MAP4K4: variants seen among roughly 807,000 people sequenced by gnomAD.
MAP4K4 encodes the protein mitogen-activated protein kinase kinase kinase kinase 4.
A neutral mutation model predicts 189.6 loss-of-function variants in MAP4K4; 38 were observed. That is an observed-to-expected ratio of 0.20 (90% CI 0.15 to 0.26). The LOEUF is 0.26. Among genes scored for constraint, MAP4K4 ranks in the 10% least tolerant of loss-of-function variants. The pLI is 1.00. For missense variants in MAP4K4, 1,054 were observed against 1,726.9 expected (o/e 0.61, Z 6.91); for synonymous variants, 610 against 624.3 (o/e 0.98, Z 0.34).
intron 3 of MAP4K4, among the ~76,000 whole-genome samples, chr2:101,792,934 C>T (rs1286534436): frequency 6.6e-6 from 1 of 152,152 alleles, no homozygotes; most frequent in Non-Finnish European, 1.5e-5. Flanking sequence ...GCGTCTGGCC[C>T]TCTGCTACCT....
At chr2:101,745,501 A>G (rs548851696) in intron 2 of MAP4K4, among the ~76,000 whole-genome samples, 9 of 150,758 alleles carry the variant, frequency 6.0e-5, no homozygotes, top group South Asian at 2.1e-4. Context: ...CTAAATTTCT[A>G]TATTTTATAT....
chr2:101,819,087 A>G (rs1398304167), intron 3 of MAP4K4, among the ~76,000 whole-genome samples: 1 of 152,314 alleles, frequency 6.6e-6, no homozygotes, highest in Non-Finnish European at 1.5e-5. Context: ...TAGTTTTGCC[A>G]ACTCAACTTT....
chr2:101,852,553 AG>A (rs2097319068), intron 12 of MAP4K4, among the ~76,000 whole-genome samples: 1 of 152,118 alleles, frequency 6.6e-6, no homozygotes, highest in African/African-American at 2.4e-5. Flanking sequence ...CCCTCTCAGA[AG>A]GTTTCGGTTG....
At chr2:101,869,884 C>T (rs1482312359) in intron 22 of MAP4K4, 87 bp downstream of exon 22, 12 of 1,439,316 alleles carry the variant, frequency 8.3e-6, no homozygotes, top group Non-Finnish European at 1.1e-5. Context: ...TAGACTATTC[C>T]GTGACCCCAT....
At chr2:101,890,233 T>C in intron 32 of MAP4K4, among the ~76,000 whole-genome samples, 1 of 152,208 alleles carries the variant, frequency 6.6e-6, no homozygotes, top group East Asian at 1.9e-4. Context: ...GTGATGCTCA[T>C]TGTGTTTTTT....
At chr2:101,738,628 T>G (rs1307742741) in intron 2 of MAP4K4, among the ~76,000 whole-genome samples, 1 of 152,136 alleles carries the variant, frequency 6.6e-6, no homozygotes, top group Non-Finnish European at 1.5e-5. Context: ...CTTGCACCTG[T>G]CTTATTCTCT....
At chr2:101,878,965 T>C (rs2098293411) in intron 27 of MAP4K4, among the ~76,000 whole-genome samples, 1 of 152,136 alleles carries the variant, frequency 6.6e-6, no homozygotes, top group African/African-American at 2.4e-5. Context: ...TGATGGATGG[T>C]AGTTTTTTAA....
chr2:101,758,086 CT>C (rs1305052889), intron 2 of MAP4K4, among the ~76,000 whole-genome samples: 1 of 152,168 alleles, frequency 6.6e-6, no homozygotes, highest in Non-Finnish European at 1.5e-5. Context: ...AATATGGGCT[CT>C]CTCAAAATAT....
At chr2:101,776,327 C>T (rs945903155) in intron 2 of MAP4K4, among the ~76,000 whole-genome samples, 10 of 152,006 alleles carry the variant, frequency 6.6e-5, no homozygotes, top group Admixed American at 1.3e-4. Context: ...ATATCGGGCC[C>T]GGGCTTTTCA....
At chr2:101,782,672 C>A (rs2088287605) in intron 2 of MAP4K4, among the ~76,000 whole-genome samples, 1 of 152,076 alleles carries the variant, frequency 6.6e-6, no homozygotes, top group Admixed American at 6.6e-5. Flanking sequence ...CTTACTCCTG[C>A]TCTATTAGGA....
chr2:101,769,828 CACCT>C (rs1434728913), intron 2 of MAP4K4, among the ~76,000 whole-genome samples: 3 of 152,004 alleles, frequency 2.0e-5, no homozygotes, highest in Non-Finnish European at 4.4e-5. Flanking sequence ...GTGATCCACC[CACCT>C]TGGCCTCCTA....
At chr2:101,875,127 G>A (rs1249061169) in intron 26 of MAP4K4, among the ~76,000 whole-genome samples, 1 of 152,072 alleles carries the variant, frequency 6.6e-6, no homozygotes, top group Non-Finnish European at 1.5e-5. Flanking sequence ...TATCTGTCTG[G>A]CAGCAGTTCT....
chr2:101,770,414 A>G (rs777567731), intron 2 of MAP4K4, among the ~76,000 whole-genome samples: 20 of 151,858 alleles, frequency 1.3e-4, no homozygotes, highest in Non-Finnish European at 2.9e-4. Context: ...ACACCCGGCT[A>G]ATTTTTTGTA....
intron 2 of MAP4K4, among the ~76,000 whole-genome samples, chr2:101,727,013 A>G (rs533760160): frequency 6.6e-6 from 1 of 152,168 alleles, no homozygotes; most frequent in African/African-American, 2.4e-5. Context: ...TTTCCTCTTG[A>G]CCACCAGTCC....
At chr2:101,783,620 C>G (rs2088974536) in intron 2 of MAP4K4, among the ~76,000 whole-genome samples, 1 of 152,018 alleles carries the variant, frequency 6.6e-6, no homozygotes, top group African/African-American at 2.4e-5. Context: ...ATTGACATGC[C>G]TAATAGAAAA....
chr2:101,725,953 A>G (rs1459294802), intron 2 of MAP4K4, among the ~76,000 whole-genome samples: 1 of 151,638 alleles, frequency 6.6e-6, no homozygotes, highest in Non-Finnish European at 1.5e-5. Flanking sequence ...TTATTTTGGC[A>G]GAAATCTGGA....
At position 101,834,473 on chromosome 2, in the gene MAP4K4, TTTC is replaced by T; in HGVS notation, c.694+13_694+15del. 6.2e-7 allele frequency: 1 copy of T among 1,600,206 alleles called. No individual in the cohort carries two copies. Among genetic ancestry groups the T allele is most frequent in the Admixed American group, 1.7e-5 (1 of 58,378 alleles). ...GCAGAAGGTGCTCCCCGTAAGTAAC[TTTC>T]TTTTCTTTTTAGCTCACTTGTTACA... On this transcript the variant is annotated intron_variant, in intron 8 of 32. Transcript: ENST00000324219.
chr2:101,730,618 C>T (rs1472690356), intron 2 of MAP4K4, among the ~76,000 whole-genome samples: 1 of 152,128 alleles, frequency 6.6e-6, no homozygotes, highest in Non-Finnish European at 1.5e-5. Context: ...GTGTTCAGTA[C>T]GGGGGTATTT....
chr2:101,879,799 T>TA (rs1247315347), intron 27 of MAP4K4, among the ~76,000 whole-genome samples: 1 of 151,102 alleles, frequency 6.6e-6, no homozygotes, highest in Admixed American at 6.6e-5. Context: ...TATATAATGG[T>TA]AAAACAGTAT....
Sources: gnomAD v4.1 joint callset for allele counts (sites outside exome capture counted in the v4.1 genomes callset) on GRCh38, gnomAD v4.1.1 for gene constraint, MANE v1.5 for transcripts, NCBI Gene and HGNC (gene_info 2026-07-23, HGNC 2026-07-21) for gene names.